The following ATP6V0D1 variants were observed in gnomAD, a reference collection of about 807,000 sequenced individuals.
The protein encoded by ATP6V0D1 is ATPase H+ transporting V0 subunit d1, also known as V-type proton ATPase subunit d 1.
ATP6V0D1 carries 13 observed loss-of-function variants against 39.0 expected under a neutral mutation model. The ratio of observed to expected loss-of-function variants is 0.33; its 90% confidence interval spans 0.22 to 0.53. ATP6V0D1 has a LOEUF of 0.53. Ranked by LOEUF, ATP6V0D1 falls within the 20% of genes least tolerant of loss-of-function variation. The pLI is 0.94. For synonymous variants in ATP6V0D1, 191 were observed against 191.2 expected, an observed-to-expected ratio of 1.00 and a Z score of 0.01; for missense variants, 272 against 470.9, an observed-to-expected ratio of 0.58 and a Z score of 3.91.
intron 1 of ATP6V0D1, chr16:67,458,829 C>G (rs2142320007): frequency 6.3e-6 from 1 of 157,532 alleles, no homozygotes; most frequent in South Asian, 2.0e-4. Context: ...ACCCCAGGAC[C>G]TTCCCACAAC....
At chr16:67,465,962 A>G (rs2041325692) in intron 1 of ATP6V0D1, among the ~76,000 whole-genome samples, 1 of 152,118 alleles carries the variant, frequency 6.6e-6, no homozygotes, top group Non-Finnish European at 1.5e-5. Flanking sequence ...AGGCTCCTTG[A>G]GAAGTGGAGT....
chr16:67,466,155 A>T (rs2041327312), intron 1 of ATP6V0D1, among the ~76,000 whole-genome samples: 1 of 152,128 alleles, frequency 6.6e-6, no homozygotes, highest in African/African-American at 2.4e-5. Context: ...GACTACAGGT[A>T]CCCACAGAGC....
intron 4 of ATP6V0D1, chr16:67,439,706 A>T: frequency 3.4e-6 from 1 of 291,132 alleles, no homozygotes; most frequent in Non-Finnish European, 6.6e-6. Context: ...ATCTTTCCAA[A>T]CCTCCCCTTC....
intron 2 of ATP6V0D1, chr16:67,445,966 C>G (rs2041109901): frequency 2.2e-6 from 1 of 455,700 alleles, no homozygotes; most frequent in African/African-American, 2.0e-5. Flanking sequence ...GGTGAGGCAC[C>G]TATGGGATAA....
Position 67,439,022 on chromosome 16 carries a change from C to T in ATP6V0D1, c.765G>A (p.Leu255=). Residue 255 remains leucine (L), a synonymous_variant, in exon 6 of 8, where the codon CTG becomes CTA. Transcript: ENST00000290949. ...GRLYPEGLAQ[L]ARADDYEQVK... is the part of the protein sequence containing the mutation. ...CCTGTTCATAGTCGTCAGCCCGAGC[C>T]AGCTGCGCCAGGCCCTCAGGGTAGA... 1 of 1,614,182 alleles carries T rather than the reference C, an allele frequency of 6.2e-7. No homozygotes were observed. Among genetic ancestry groups the T allele is most frequent in the Non-Finnish European group, 8.5e-7 (1 of 1,180,022 alleles).
chr16:67,450,197 A>C (rs1395956286), intron 2 of ATP6V0D1, among the ~76,000 whole-genome samples: 1 of 152,190 alleles, frequency 6.6e-6, no homozygotes, highest in East Asian at 1.9e-4. Flanking sequence ...CCTCATTCCC[A>C]GAGTGGGCAC....
intron 1 of ATP6V0D1, among the ~76,000 whole-genome samples, chr16:67,469,935 C>T (rs2041359693): frequency 6.6e-6 from 1 of 152,178 alleles, no homozygotes; most frequent in South Asian, 2.1e-4. Context: ...CATATATGTC[C>T]ATCTGGTAGT....
chr16:67,458,519 T>A (rs2041261599), intron 1 of ATP6V0D1, among the ~76,000 whole-genome samples: 1 of 152,152 alleles, frequency 6.6e-6, no homozygotes, highest in Non-Finnish European at 1.5e-5. Context: ...AGCCAAGGCA[T>A]GAGCAAGCAG....
rs544410798 is a variant in ATP6V0D1 at position 67,444,924 on chromosome 16, G to T, written c.303-218C>A. On this transcript the variant is annotated intron_variant, in intron 2 of 7. Coordinates refer to ENST00000290949, the MANE Select transcript of ATP6V0D1 (RefSeq NM_004691.5). The surrounding 1 kb of genome is among the most constrained non-coding windows in gnomAD (Gnocchi z 4.8). ...TGCCAGAGGCCTAGGACAGACACAG[G>T]CCCCCCAAACGGGCGGGGGCAGGGG... Among the ~76,000 whole-genome samples the T allele has an allele frequency of 1.7e-3, 252 of 152,274 alleles. 1 individual carries two copies. Among genetic ancestry groups the T allele is most frequent in the Admixed American group, 2.9e-3 (44 of 15,286 alleles).
rs529424960 is a variant in ATP6V0D1 at position 67,438,306 on chromosome 16, G to A, written c.*222C>T. On this transcript the variant is annotated 3_prime_UTR_variant, in exon 8 of 8. Transcript: ENST00000290949. ...CCTCCTTGCTCTGGAGGGGGTCTTCGTCCATCCTTGGTGGGGGGGGGTGCC... is the reference window on the plus strand; with the variant it reads ...CCTCCTTGCTCTGGAGGGGGTCTTCATCCATCCTTGGTGGGGGGGGGTGCC... 4.9e-5 allele frequency: 29 copies of A among 594,600 alleles called. No individual in the cohort carries two copies. The highest frequency in any genetic ancestry group is 2.0e-4 in the African/African-American group (11 of 53,666). 36.8% of individuals were successfully genotyped at this position (594,600 alleles called of 1,614,324 possible).
chr16:67,476,221 C>CAAAAAAAAAAAAAAACAAAAAA (rs34393931), intron 1 of ATP6V0D1, among the ~76,000 whole-genome samples: 1 of 126,146 alleles, frequency 7.9e-6, no homozygotes, highest in African/African-American at 2.7e-5. Context: ...GATTCCATTC[C>CAAAAAAAAAAAAAAACAAAAAA]AAAAAAAAAA....
At position 67,453,586 on chromosome 16, in the gene ATP6V0D1, T is replaced by C; in HGVS notation, c.260A>G (p.Asn87Ser). The C allele has an allele frequency of 6.2e-7, 1 of 1,614,110 alleles. No homozygotes were observed. Among genetic ancestry groups the C allele is most frequent in the South Asian group, 1.1e-5 (1 of 91,088 alleles). The change falls in exon 2 of 8, where the codon AAC (asparagine) becomes AGC (serine). Residue 87 changes from asparagine (N) to serine (S), a missense_variant. By Grantham distance (46) the Asn-to-Ser change is conservative (BLOSUM62 1). Transcript: ENST00000290949. The surrounding 1 kb of genome is among the most constrained non-coding windows in gnomAD (Gnocchi z 4.1). ...GCTGGCGAGTGGCTCATAGGCATGG[T>C]TCCTCATGTGGCGGAACTCCACCAC... ...KMVVEFRHMR[N>S]HAYEPLASFL... is the part of the protein sequence containing the mutation.
intron 3 of ATP6V0D1, chr16:67,443,430 T>C (rs1345842978): frequency 9.9e-6 from 5 of 506,548 alleles, no homozygotes; most frequent in Admixed American, 6.4e-5. Context: ...CATAACATGA[T>C]CTAATCACCG....
chr16:67,439,187 A>G (rs771914764), intron 5 of ATP6V0D1, 40 bp from the exon 6 acceptor site: 12 of 1,613,404 alleles, frequency 7.4e-6, no homozygotes, highest in South Asian at 1.1e-5. Context: ...AGGGAGGAAG[A>G]AGGAGGCAGT....
chr16:67,445,590 T>A (rs1217844812), intron 2 of ATP6V0D1, among the ~76,000 whole-genome samples: 1 of 152,172 alleles, frequency 6.6e-6, no homozygotes, highest in Non-Finnish European at 1.5e-5. Context: ...ACGGCCTGGA[T>A]AAGACCCAGA....
intron 1 of ATP6V0D1, chr16:67,455,257 T>A (rs1195034849): frequency 6.6e-6 from 1 of 152,166 alleles, no homozygotes; most frequent in Non-Finnish European, 1.5e-5. Flanking sequence ...GCCTGGGTTG[T>A]TTAGAGAAGA....
Position 67,447,851 on chromosome 16 carries a change from G to C in ATP6V0D1, c.303-3145C>G, listed in dbSNP as rs1009143779. ...GGTCTGGTGCTGGTGAGGCAGCCATGATGCCTGGGTAACCCTGCCAGCCTG... is the reference window on the plus strand; with the variant it reads ...GGTCTGGTGCTGGTGAGGCAGCCATCATGCCTGGGTAACCCTGCCAGCCTG... On this transcript the variant is annotated intron_variant, in intron 2 of 7. Transcript: ENST00000290949. The surrounding 1 kb of genome is among the most constrained non-coding windows in gnomAD (Gnocchi z 4.1). 2.0e-5 allele frequency among the ~76,000 whole-genome samples: 3 copies of C among 152,238 alleles called. No individual in the cohort carries two copies. The highest frequency in any genetic ancestry group is 4.4e-5 in the Non-Finnish European group (3 of 68,044).
At chr16:67,457,633 C>T in intron 1 of ATP6V0D1, 1 of 1,289,442 alleles carries the variant, frequency 7.8e-7, no homozygotes, top group Non-Finnish European at 1.0e-6. Flanking sequence ...TCTGGCATCC[C>T]TTGTGGCACC....
intron 1 of ATP6V0D1, among the ~76,000 whole-genome samples, chr16:67,478,845 C>CA (rs1341865620): frequency 6.6e-6 from 1 of 152,042 alleles, no homozygotes; most frequent in Admixed American, 6.6e-5. Flanking sequence ...CCTGTGCCCC[C>CA]AGAAGCTGTT....
Sources: gnomAD v4.1 joint callset for allele counts (sites outside exome capture counted in the v4.1 genomes callset) on GRCh38, gnomAD v4.1.1 for gene constraint, Gnocchi (gnomAD v3.1) non-coding constraint, MANE v1.5 for transcripts, NCBI Gene and HGNC (gene_info 2026-07-23, HGNC 2026-07-21) for gene names.